The following SSBP2 variants were observed in gnomAD, a reference collection of about 807,000 sequenced individuals.
SSBP2 encodes single-stranded DNA-binding protein 2.
A neutral mutation model predicts 61.8 loss-of-function variants in SSBP2; 17 were observed. The ratio of observed to expected loss-of-function variants is 0.28; its 90% CI spans 0.19 to 0.41. The LOEUF (loss-of-function observed/expected upper bound fraction) is 0.41, where lower values mean the gene tolerates loss of function less well. Ranked by LOEUF, SSBP2 falls within the 10% of genes least tolerant of loss-of-function variation. The pLI is 1.00. For synonymous variants in SSBP2, 139 were observed against 141.3 expected (o/e 0.98, Z 0.12); for missense variants, 310 against 458.7 (o/e 0.68, Z 2.96).
chr5:81,518,165 GATA>G (rs1350438548), intron 4 of SSBP2, among the ~76,000 whole-genome samples: 1 of 152,062 alleles, frequency 6.6e-6, no homozygotes, highest in Non-Finnish European at 1.5e-5. Flanking sequence ...AGTATATGAA[GATA>G]ATAATAGAGA....
At chr5:81,490,936 C>T (rs562101189) in intron 5 of SSBP2, among the ~76,000 whole-genome samples, 5 of 152,236 alleles carry the variant, frequency 3.3e-5, no homozygotes, top group East Asian at 3.9e-4. Flanking sequence ...ATTTTAAAAA[C>T]GTTTAGTTTT....
chr5:81,489,112 A>G (rs1766658403), intron 6 of SSBP2, 138 bp downstream of exon 6: 3 of 755,352 alleles, frequency 4.0e-6, no homozygotes, highest in Non-Finnish European at 6.5e-6. Context: ...TAGTTTGCCA[A>G]CCCTTGAAGC....
chr5:81,643,922 T>A (rs1749042004), intron 2 of SSBP2, among the ~76,000 whole-genome samples: 1 of 152,148 alleles, frequency 6.6e-6, no homozygotes, highest in Non-Finnish European at 1.5e-5. Context: ...ACATTTTAAT[T>A]CAAAAAATTA....
At chr5:81,614,156 C>T (rs1303935151) in intron 4 of SSBP2, among the ~76,000 whole-genome samples, 2 of 151,918 alleles carry the variant, frequency 1.3e-5, no homozygotes, top group African/African-American at 4.8e-5. Context: ...GTCAGGAGAT[C>T]GAGACCATCT....
chr5:81,739,457 T>C (rs1435930965), intron 1 of SSBP2, among the ~76,000 whole-genome samples: 6 of 152,158 alleles, frequency 3.9e-5, no homozygotes, highest in African/African-American at 7.2e-5. Flanking sequence ...CTAGGCTAGA[T>C]TCAATGCTTT....
intron 6 of SSBP2, among the ~76,000 whole-genome samples, chr5:81,476,096 A>T (rs916749207): frequency 6.6e-6 from 1 of 152,064 alleles, no homozygotes; most frequent in Non-Finnish European, 1.5e-5. Flanking sequence ...CTATAAATAT[A>T]TATCTATTAT....
intron 1 of SSBP2, among the ~76,000 whole-genome samples, chr5:81,688,570 A>T (rs1425466416): frequency 6.6e-6 from 1 of 152,220 alleles, no homozygotes; most frequent in African/African-American, 2.4e-5. Flanking sequence ...CACAGACAGA[A>T]AGACTGTTTG....
intron 4 of SSBP2, among the ~76,000 whole-genome samples, chr5:81,607,452 A>G (rs921242123): frequency 1.3e-5 from 2 of 152,192 alleles, no homozygotes; most frequent in Non-Finnish European, 2.9e-5. Context: ...ATCAAATTGA[A>G]CATGATGTAT....
intron 5 of SSBP2, among the ~76,000 whole-genome samples, chr5:81,491,247 T>C (rs948221168): frequency 6.6e-6 from 1 of 152,224 alleles, no homozygotes; most frequent in Admixed American, 6.5e-5. Context: ...TTTTGAAACA[T>C]GGAGACATAA....
At chr5:81,732,385 C>G (rs567356270) in intron 1 of SSBP2, among the ~76,000 whole-genome samples, 1 of 152,226 alleles carries the variant, frequency 6.6e-6, no homozygotes, top group Admixed American at 6.5e-5. Flanking sequence ...AATAGTAACA[C>G]TAATGCACTC....
intron 4 of SSBP2, among the ~76,000 whole-genome samples, chr5:81,563,184 G>A (rs1373217879): frequency 2.0e-5 from 3 of 152,094 alleles, no homozygotes; most frequent in African/African-American, 7.2e-5. Flanking sequence ...TAGATCAATG[G>A]TACAGAATAG....
At chr5:81,745,655 G>A (rs923524839) in intron 1 of SSBP2, among the ~76,000 whole-genome samples, 2 of 152,032 alleles carry the variant, frequency 1.3e-5, no homozygotes, top group Non-Finnish European at 2.9e-5. Flanking sequence ...ATAACCTCAT[G>A]TGTTCCAAAA....
At chr5:81,636,143 A>G (rs1183608525) in intron 3 of SSBP2, among the ~76,000 whole-genome samples, 1 of 152,166 alleles carries the variant, frequency 6.6e-6, no homozygotes, top group Non-Finnish European at 1.5e-5. Context: ...CCCAATATGT[A>G]AGGACACAGT....
intron 9 of SSBP2, among the ~76,000 whole-genome samples, chr5:81,463,573 G>T (rs1251496398): frequency 6.6e-6 from 1 of 152,062 alleles, no homozygotes; most frequent in East Asian, 1.9e-4. Flanking sequence ...GGTGGCGCAT[G>T]CCTGTGGTCC....
intron 3 of SSBP2, among the ~76,000 whole-genome samples, chr5:81,627,977 A>G (rs112635671): frequency 0.085 from 12,943 of 152,008 alleles, 588 homozygotes; most frequent in Admixed American, 0.11. Flanking sequence ...AGGTGGGAGG[A>G]TCACTTAAGC....
At chr5:81,488,889 G>A (rs962878257) in intron 6 of SSBP2, among the ~76,000 whole-genome samples, 1 of 151,826 alleles carries the variant, frequency 6.6e-6, no homozygotes, top group East Asian at 1.9e-4. Context: ...AATTAGGTTC[G>A]AAGTATAAGG....
intron 4 of SSBP2, among the ~76,000 whole-genome samples, chr5:81,567,177 G>A (rs1457121094): frequency 2.0e-5 from 3 of 152,172 alleles, no homozygotes; most frequent in Admixed American, 6.5e-5. Context: ...CATGTCAAAG[G>A]TCTTCATGGC....
chr5:81,737,883 C>G (rs1756732416), intron 1 of SSBP2, among the ~76,000 whole-genome samples: 1 of 152,036 alleles, frequency 6.6e-6, no homozygotes, highest in Non-Finnish European at 1.5e-5. Context: ...TCTCAAAACT[C>G]CCTTTCCTTG....
intron 4 of SSBP2, among the ~76,000 whole-genome samples, chr5:81,529,674 A>G (rs1316167654): frequency 6.6e-6 from 1 of 152,134 alleles, no homozygotes; most frequent in Non-Finnish European, 1.5e-5. Flanking sequence ...ATGTAAAGGA[A>G]TAAAAAACAA....
Sources: gnomAD v4.1 joint callset for allele counts (sites outside exome capture counted in the v4.1 genomes callset) on GRCh38, gnomAD v4.1.1 for gene constraint, MANE v1.5 for transcripts, NCBI Gene and HGNC (gene_info 2026-07-23, HGNC 2026-07-21) for gene names.